The following DAB2IP variants were observed in gnomAD, a reference collection of about 807,000 sequenced individuals.
The protein encoded by DAB2IP is DAB2 interacting protein.
Under a neutral mutation model 107.2 loss-of-function variants are expected in DAB2IP, and 28 were observed. That is an observed-to-expected ratio of 0.26 (90% CI 0.19 to 0.36). The LOEUF is 0.36. Ranked by LOEUF, DAB2IP falls within the 10% of genes least tolerant of loss-of-function variation. The probability of loss-of-function intolerance (pLI) is 1.00; values close to 1 mark genes in which losing one functional copy is unlikely to be tolerated. For synonymous variants in DAB2IP, 755 were observed against 706.4 expected (o/e 1.07, Z -1.09); for missense variants, 1,400 against 1,644.7 (o/e 0.85, Z 2.57).
chr9:121,667,377 C>G (rs1021987763), intron 1 of DAB2IP, among the ~76,000 whole-genome samples: 5 of 152,094 alleles, frequency 3.3e-5, no homozygotes, highest in African/African-American at 1.2e-4. Flanking sequence ...TCACCTGGCC[C>G]CTCCCTCGGG....
chr9:121,586,807 A>T (rs1041462226), intron 1 of DAB2IP, among the ~76,000 whole-genome samples: 1 of 140,560 alleles, frequency 7.1e-6, no homozygotes, highest in Non-Finnish European at 1.5e-5. Context: ...GTGACAAAGT[A>T]AAAAAAAAAA....
intron 1 of DAB2IP, among the ~76,000 whole-genome samples, chr9:121,583,610 C>T (rs1830251116): frequency 6.6e-6 from 1 of 151,736 alleles, no homozygotes; most frequent in Non-Finnish European, 1.5e-5. Context: ...GCTGGCAGGC[C>T]CCTCTACAGT....
intron 1 of DAB2IP, among the ~76,000 whole-genome samples, chr9:121,600,403 A>C (rs1830653932): frequency 6.6e-6 from 1 of 152,096 alleles, no homozygotes; most frequent in African/African-American, 2.4e-5. Context: ...GGCTAAGCAG[A>C]GTGGGAACAG....
intron 13 of DAB2IP, among the ~76,000 whole-genome samples, chr9:121,774,676 T>G (rs1382432015): frequency 6.6e-6 from 1 of 152,216 alleles, no homozygotes. Context: ...TACAGACTCC[T>G]GGGACCTCTG....
intron 3 of DAB2IP, among the ~76,000 whole-genome samples, chr9:121,753,483 C>T (rs763319078): frequency 2.2e-4 from 34 of 152,180 alleles, no homozygotes; most frequent in African/African-American, 7.2e-4. Context: ...GGCTGGGGGA[C>T]GGCAGAAGCC....
intron 3 of DAB2IP, among the ~76,000 whole-genome samples, chr9:121,748,536 C>A (rs920669895): frequency 2.6e-5 from 4 of 152,206 alleles, no homozygotes; most frequent in Non-Finnish European, 5.9e-5. Context: ...GCCCCATGAG[C>A]CAGGGCTTGT....
At chr9:121,773,101 G>A in exon 12 of DAB2IP, 1 of 1,612,496 alleles carries the variant, frequency 6.2e-7, no homozygotes, top group Non-Finnish European at 8.5e-7. Flanking sequence ...AGCTCCCTGA[G>A]CTCACACAGC....
chr9:121,578,592 C>G (rs1219684111), intron 1 of DAB2IP, among the ~76,000 whole-genome samples: 1 of 151,902 alleles, frequency 6.6e-6, no homozygotes, highest in Non-Finnish European at 1.5e-5. Flanking sequence ...GGCTCTGCAC[C>G]TCCTGCCCAC....
chr9:121,688,770 G>A (rs1362675077), intron 2 of DAB2IP, among the ~76,000 whole-genome samples: 6 of 152,202 alleles, frequency 3.9e-5, no homozygotes, highest in Admixed American at 3.3e-4. Flanking sequence ...AGGGGCTTGC[G>A]GAATGAAGGT....
upstream of DAB2IP, among the ~76,000 whole-genome samples, chr9:121,650,138 A>G (rs889170011): frequency 6.6e-6 from 1 of 152,186 alleles, no homozygotes; most frequent in African/African-American, 2.4e-5. Context: ...CCCTGGCCTA[A>G]CCCAAAGGAG....
chr9:121,658,788 T>C (rs532373921), intron 1 of DAB2IP, among the ~76,000 whole-genome samples: 2 of 152,202 alleles, frequency 1.3e-5, no homozygotes, highest in Admixed American at 1.3e-4. Flanking sequence ...CCCTTGGAAA[T>C]GCGGCGGTGC....
Position 121,651,857 on chromosome 9 carries a change from C to A in DAB2IP, c.82C>A (p.Arg28=). Residue 28 remains arginine (R), a synonymous_variant, in exon 1 of 16, where the codon CGA becomes AGA. Coordinates refer to ENST00000408936, the Ensembl canonical transcript of DAB2IP. The surrounding 1 kb of genome is among the most constrained non-coding windows in gnomAD (Gnocchi z 5.1). ...GCTGCTGAGGCGGCCCCGGCTGCAG[C>A]GACAGAGGAGCCGCTCCCGCAGCCG... The A allele has an allele frequency of 6.8e-7, 1 of 1,462,046 alleles. No homozygotes were observed. Among genetic ancestry groups the A allele is most frequent in the South Asian group, 1.3e-5 (1 of 75,036 alleles). The allele number at this position is 1,462,046 out of a possible 1,614,324, so 90.6% of individuals were successfully genotyped here.
At chr9:121,579,575 C>T (rs2118902117) in intron 1 of DAB2IP, among the ~76,000 whole-genome samples, 1 of 152,214 alleles carries the variant, frequency 6.6e-6, no homozygotes, top group East Asian at 1.9e-4. Flanking sequence ...GCCGGTACCA[C>T]CCAGACCAGG....
Position 121,782,307 on chromosome 9 carries a change from C to G in DAB2IP, c.3403-24C>G. On this transcript the variant is annotated intron_variant, in intron 15 of 15. Transcript: ENST00000408936. The surrounding 1 kb of genome is among the most constrained non-coding windows in gnomAD (Gnocchi z 6.1). ...CCTAAGGAGCCTGTCCCATGACCCC[C>G]GCTCACATCCCCATTGTCCACAGGA... is the stretch of plus-strand genomic sequence containing the variant. The G allele has an allele frequency of 5.0e-6, 8 of 1,609,226 alleles. No individual in the cohort carries two copies. Among genetic ancestry groups the G allele is most frequent in the Non-Finnish European group, 6.8e-6 (8 of 1,176,326 alleles).
chr9:121,693,434 G>A (rs1328064745), intron 2 of DAB2IP, among the ~76,000 whole-genome samples: 3 of 152,210 alleles, frequency 2.0e-5, no homozygotes, highest in Admixed American at 1.3e-4. Flanking sequence ...GATCTGGATG[G>A]GATCTTCTCC....
chr9:121,683,302 T>TC (rs1259745701), intron 2 of DAB2IP, among the ~76,000 whole-genome samples: 1 of 152,120 alleles, frequency 6.6e-6, no homozygotes, highest in Non-Finnish European at 1.5e-5. Context: ...CTTCCTGGTC[T>TC]CCCCACGAGC....
rs1338337847 is a variant in DAB2IP, at chr9:121,782,769, G to C, written c.*271G>C. The stretch of plus-strand genomic sequence containing the variant: ...TGGGGACAGCCTGATGGGGCAGGGG[G>C]CCTGCCAAAAATATGTCTGTTGGTT... On this transcript the variant is annotated 3_prime_UTR_variant, in exon 16 of 16. Transcript: ENST00000408936. This position sits in a 1 kb window ranked among gnomAD's most constrained non-coding sequence, Gnocchi z 6.1. The C allele has an allele frequency of 3.0e-6, 4 of 1,316,712 alleles. No individual in the cohort carries two copies. Among genetic ancestry groups the C allele is most frequent in the Middle Eastern group, 5.8e-4 (2 of 3,450 alleles). The allele number at this position is 1,316,712 out of a possible 1,614,324, so 81.6% of individuals were successfully genotyped here.
intron 1 of DAB2IP, among the ~76,000 whole-genome samples, chr9:121,653,635 C>A (rs1832854504): frequency 6.6e-6 from 1 of 152,112 alleles, no homozygotes; most frequent in East Asian, 1.9e-4. Context: ...TCACCTCACC[C>A]ACCCGCCCCT....
chr9:121,655,808 G>A (rs1288601742), intron 1 of DAB2IP, among the ~76,000 whole-genome samples: 2 of 152,120 alleles, frequency 1.3e-5, no homozygotes, highest in South Asian at 2.1e-4. Context: ...GCCCTGGCTG[G>A]GAGCTGGGGG....
Sources: gnomAD v4.1 joint callset for allele counts (sites outside exome capture counted in the v4.1 genomes callset) on GRCh38, gnomAD v4.1.1 for gene constraint, Gnocchi (gnomAD v3.1) non-coding constraint, MANE v1.5 for transcripts, NCBI Gene and HGNC (gene_info 2026-07-23, HGNC 2026-07-21) for gene names.